Variants in PPM1L observed in about 807,000 individuals in gnomAD.
PPM1L encodes the protein protein phosphatase 1L.
Under a neutral mutation model 31.4 loss-of-function variants are expected in PPM1L, and 13 were observed. The ratio of observed to expected loss-of-function variants is 0.41; its 90% confidence interval spans 0.27 to 0.66. The LOEUF (loss-of-function observed/expected upper bound fraction) is 0.66. PPM1L is among the 30% of genes least tolerant of loss of function. The pLI is 0.29. For missense variants in PPM1L, 326 were observed against 453.7 expected (o/e 0.72, Z 2.56); for synonymous variants, 184 against 175.4 (o/e 1.05, Z -0.39).
At chr3:160,774,701 A>G (rs1196546585) in intron 1 of PPM1L, among the ~76,000 whole-genome samples, 5 of 152,196 alleles carry the variant, frequency 3.3e-5, no homozygotes, top group Admixed American at 6.5e-5. Flanking sequence ...TTGTTAACAC[A>G]TAGCCATGGG....
At chr3:160,805,796 G>A (rs990633206) in intron 1 of PPM1L, among the ~76,000 whole-genome samples, 2 of 152,288 alleles carry the variant, frequency 1.3e-5, no homozygotes, top group East Asian at 3.9e-4. Context: ...TCTGTCAGTA[G>A]TTAAAGGTGT....
At chr3:160,942,230 G>A (rs1197780527) in intron 1 of PPM1L, among the ~76,000 whole-genome samples, 2 of 152,090 alleles carry the variant, frequency 1.3e-5, no homozygotes, top group Non-Finnish European at 2.9e-5. Flanking sequence ...ACTCCTTGGC[G>A]ACTGCTTTTT....
At chr3:161,026,708 AAAAAGAAAATTGAC>A (rs1325692095) in intron 2 of PPM1L, among the ~76,000 whole-genome samples, 4 of 144,174 alleles carry the variant, frequency 2.8e-5, no homozygotes, top group Non-Finnish European at 6.1e-5. Context: ...AAAAAAAAAA[AAAAAGAAAATTGAC>A]AAGGAGATAG....
Position 160,858,588 on chromosome 3 carries a change from T to A in PPM1L, c.399+101881T>A, listed in dbSNP as rs139515513. 2.2e-3 allele frequency among the ~76,000 whole-genome samples: 336 copies of A among 152,328 alleles called. 2 individuals carry two copies. Among genetic ancestry groups the A allele is most frequent in the African/African-American group, 7.7e-3 (320 of 41,582 alleles). On this transcript the variant is annotated intron_variant, in intron 1 of 3. Transcript: ENST00000498165. ...TTTTTATATTTGTTTTTATAATGAA[T>A]GGGACTACATTACCCTCAATAAAAG... is the stretch of plus-strand genomic sequence containing the variant.
intron 1 of PPM1L, among the ~76,000 whole-genome samples, chr3:160,807,809 CTTT>C (rs780117248): frequency 1.4e-5 from 2 of 138,838 alleles, no homozygotes; most frequent in African/African-American, 5.2e-5. Flanking sequence ...TGCTTGGGCA[CTTT>C]TTTTTTTTTT....
intron 1 of PPM1L, among the ~76,000 whole-genome samples, chr3:160,956,516 A>G (rs150651257): frequency 6.6e-6 from 1 of 152,386 alleles, no homozygotes; most frequent in African/African-American, 2.4e-5. Context: ...TCTGATGTAC[A>G]TTGCACGTGA....
intron 1 of PPM1L, among the ~76,000 whole-genome samples, chr3:160,794,051 T>G (rs1378555554): frequency 6.8e-6 from 1 of 147,366 alleles, no homozygotes; most frequent in Non-Finnish European, 1.5e-5. Context: ...GAGAATAGAG[T>G]ACATGACTGC....
chr3:160,926,690 C>G (rs207463965), intron 1 of PPM1L, among the ~76,000 whole-genome samples: 1 of 152,116 alleles, frequency 6.6e-6, no homozygotes, highest in African/African-American at 2.4e-5. Flanking sequence ...TGAGAAATTC[C>G]TTTTCTGGGC....
At chr3:161,015,160 A>T (rs1442726709) in intron 2 of PPM1L, among the ~76,000 whole-genome samples, 1 of 151,576 alleles carries the variant, frequency 6.6e-6, no homozygotes, top group Non-Finnish European at 1.5e-5. Context: ...CATAATACAC[A>T]TTTCTATTTG....
Position 160,905,622 on chromosome 3 carries a change from G to A in PPM1L, c.400-56114G>A, listed in dbSNP as rs546760092. 4.6e-5 allele frequency among the ~76,000 whole-genome samples: 7 copies of A among 152,194 alleles called. No individual in the cohort carries two copies. The South Asian group carries it at 6.2e-4, about 14-fold the overall frequency. Reference sequence around the variant, plus strand: ...ACATTGGAAGTGCCTTGTTTTAAGCGATTATAACAAGTGATTTTCGAGAGA... The same window carrying A: ...ACATTGGAAGTGCCTTGTTTTAAGCAATTATAACAAGTGATTTTCGAGAGA... On this transcript the variant is annotated intron_variant, in intron 1 of 3. Coordinates refer to ENST00000498165, the MANE Select transcript of PPM1L (RefSeq NM_139245.4).
At chr3:160,928,407 C>T (rs947124135) in intron 1 of PPM1L, among the ~76,000 whole-genome samples, 7 of 152,280 alleles carry the variant, frequency 4.6e-5, no homozygotes, top group Non-Finnish European at 1.0e-4. Context: ...TGAAACAGGG[C>T]CAACTAGAGT....
At chr3:160,920,615 T>TCTCTCTCTCACACACA (rs1389629070) in intron 1 of PPM1L, among the ~76,000 whole-genome samples, 1 of 28,662 alleles carries the variant, frequency 3.5e-5, no homozygotes, top group African/African-American at 1.0e-4. Context: ...TCTCTCTCTC[T>TCTCTCTCTCACACACA]CACACACACA....
chr3:160,784,359 A>C (rs1310617800), intron 1 of PPM1L, among the ~76,000 whole-genome samples: 1 of 152,186 alleles, frequency 6.6e-6, no homozygotes, highest in Non-Finnish European at 1.5e-5. Flanking sequence ...GATATTGATA[A>C]TGGACTGGAA....
chr3:160,836,134 C>G (rs1468153355), intron 1 of PPM1L, among the ~76,000 whole-genome samples: 1 of 152,150 alleles, frequency 6.6e-6, no homozygotes, highest in Non-Finnish European at 1.5e-5. Context: ...CTCAAGCAGT[C>G]ATCCTAAGGA....
At chr3:160,806,791 G>T (rs1318302700) in intron 1 of PPM1L, among the ~76,000 whole-genome samples, 1 of 150,044 alleles carries the variant, frequency 6.7e-6, no homozygotes. Context: ...GGAGGGGAGA[G>T]AGGACAGAAA....
intron 1 of PPM1L, among the ~76,000 whole-genome samples, chr3:160,813,680 C>T (rs1019917314): frequency 6.6e-6 from 1 of 152,124 alleles, no homozygotes; most frequent in Non-Finnish European, 1.5e-5. Flanking sequence ...AAAAAATTAG[C>T]GATGTTCTGT....
At chr3:160,944,689 TA>T (rs1279615083) in intron 1 of PPM1L, among the ~76,000 whole-genome samples, 5 of 135,784 alleles carry the variant, frequency 3.7e-5, no homozygotes, top group African/African-American at 1.3e-4. Flanking sequence ...AAATGCAAGC[TA>T]AAAAATTAAT....
chr3:161,005,476 G>T (rs1464394436), intron 2 of PPM1L, among the ~76,000 whole-genome samples: 2 of 152,154 alleles, frequency 1.3e-5, no homozygotes, highest in African/African-American at 4.8e-5. Context: ...GCCATCTCAA[G>T]GTCAGAGTGG....
chr3:160,760,117 C>G (rs902367713), intron 1 of PPM1L, among the ~76,000 whole-genome samples: 2 of 152,212 alleles, frequency 1.3e-5, no homozygotes, highest in African/African-American at 4.8e-5. Flanking sequence ...AGCTATCCCC[C>G]AAACTCTCTA....
Sources: gnomAD v4.1 joint callset for allele counts (sites outside exome capture counted in the v4.1 genomes callset) on GRCh38, gnomAD v4.1.1 for gene constraint, MANE v1.5 for transcripts, NCBI Gene and HGNC (gene_info 2026-07-23, HGNC 2026-07-21) for gene names.